TBCK: variants seen among roughly 807,000 people sequenced by gnomAD.
The protein encoded by TBCK is TBC domain-containing protein kinase-like protein.
TBCK carries 99 observed loss-of-function variants against 113.4 expected under a neutral mutation model. That is an observed-to-expected ratio of 0.87 (90% confidence interval 0.74 to 1.03). The LOEUF (loss-of-function observed/expected upper bound fraction) is 1.03, where lower values mean the gene tolerates loss of function less well. TBCK is among the 50% of genes least tolerant of loss of function. TBCK has a pLI of 0.00. For missense variants in TBCK, 1,045 were observed against 1,061.3 expected (o/e 0.98, Z 0.21); for synonymous variants, 369 against 370.8 (o/e 1.00, Z 0.05).
intron 25 of TBCK, among the ~76,000 whole-genome samples, chr4:106,073,466 T>C (rs1478539806): frequency 6.6e-6 from 1 of 152,204 alleles, no homozygotes; most frequent in Non-Finnish European, 1.5e-5. Flanking sequence ...CAAATACTGC[T>C]GCCTGATCCT....
At chr4:106,282,407 T>C (rs1477243454) in intron 3 of TBCK, among the ~76,000 whole-genome samples, 1 of 152,056 alleles carries the variant, frequency 6.6e-6, no homozygotes, top group Non-Finnish European at 1.5e-5. Context: ...TTCATTTATT[T>C]CTGCTGTGAT....
intron 20 of TBCK, among the ~76,000 whole-genome samples, chr4:106,197,409 G>A (rs201429408): frequency 0.051 from 3,872 of 76,672 alleles, 159 homozygotes; most frequent in African/African-American, 0.12. Flanking sequence ...GTGTGTGTGT[G>A]TGTATATATA....
At chr4:106,250,755 A>G (rs993684842) in intron 6 of TBCK, among the ~76,000 whole-genome samples, 5 of 152,034 alleles carry the variant, frequency 3.3e-5, no homozygotes, top group African/African-American at 1.2e-4. Flanking sequence ...TGAGATCCAC[A>G]CATACCTGGA....
At chr4:106,092,109 A>G (rs568771689) in intron 25 of TBCK, among the ~76,000 whole-genome samples, 11 of 152,288 alleles carry the variant, frequency 7.2e-5, no homozygotes, top group African/African-American at 2.6e-4. Context: ...TGGTGTATTC[A>G]CAATCCCTTA....
intron 20 of TBCK, among the ~76,000 whole-genome samples, chr4:106,197,411 G>GTGTGTGTATATATATATATA (rs35695611): frequency 2.5e-5 from 3 of 122,446 alleles, no homozygotes; most frequent in African/African-American, 9.3e-5. Flanking sequence ...GTGTGTGTGT[G>GTGTGTGTATATATATATATA]TATATATATA....
intron 19 of TBCK, among the ~76,000 whole-genome samples, chr4:106,222,647 T>C (rs1419806093): frequency 6.6e-6 from 1 of 152,142 alleles, no homozygotes; most frequent in African/African-American, 2.4e-5. Context: ...ATCATGAAGA[T>C]GATAAATATA....
rs1473731809 is a variant in TBCK, at chr4:106,172,411, G to A, written c.2060-1141C>T. 6.6e-5 allele frequency among the ~76,000 whole-genome samples: 10 copies of A among 152,220 alleles called. No homozygotes were observed. The East Asian group carries it at 1.4e-3, about 21-fold the overall frequency. On this transcript the variant is annotated intron_variant, in intron 22 of 25. Coordinates refer to ENST00000394708, the MANE Select transcript of TBCK (RefSeq NM_001163435.3). Reference sequence around the variant, plus strand: ...GAGAAGTTAGCCAGTCCTCTATGGCGAAAGTAGAAAGATCACAGAAAGGCG... The same window carrying A: ...GAGAAGTTAGCCAGTCCTCTATGGCAAAAGTAGAAAGATCACAGAAAGGCG...
intron 3 of TBCK, among the ~76,000 whole-genome samples, chr4:106,280,104 T>C (rs1005331019): frequency 2.6e-5 from 4 of 152,148 alleles, no homozygotes; most frequent in African/African-American, 9.7e-5. Context: ...TATTCTTGTC[T>C]GTCTTTTGGA....
chr4:106,281,845 G>A (rs966390150), intron 3 of TBCK, among the ~76,000 whole-genome samples: 11 of 151,984 alleles, frequency 7.2e-5, no homozygotes, highest in East Asian at 3.9e-4. Context: ...TGATTTTCAG[G>A]GATATTGGCC....
chr4:106,201,642 T>C (rs890323916), intron 20 of TBCK, among the ~76,000 whole-genome samples: 8 of 151,926 alleles, frequency 5.3e-5, no homozygotes, highest in African/African-American at 1.7e-4. Flanking sequence ...TCTGGTAATG[T>C]CAAATTTAGA....
chr4:106,253,630 T>C (rs919169693), intron 5 of TBCK, among the ~76,000 whole-genome samples: 1 of 152,226 alleles, frequency 6.6e-6, no homozygotes, highest in Non-Finnish European at 1.5e-5. Flanking sequence ...GACAGACTTT[T>C]TAATGTTTAA....
chr4:106,125,377 G>A (rs1487122646), intron 23 of TBCK, among the ~76,000 whole-genome samples: 7 of 152,076 alleles, frequency 4.6e-5, no homozygotes, highest in Admixed American at 3.9e-4. Context: ...TATACACAAT[G>A]AATTACTATT....
intron 19 of TBCK, among the ~76,000 whole-genome samples, chr4:106,227,381 C>T (rs1459308114): frequency 6.6e-6 from 1 of 151,902 alleles, no homozygotes; most frequent in Non-Finnish European, 1.5e-5. Flanking sequence ...ATGTGCTAAG[C>T]TATTTATCCA....
chr4:106,210,486 A>T (rs1406702758), intron 20 of TBCK, among the ~76,000 whole-genome samples: 2 of 152,200 alleles, frequency 1.3e-5, no homozygotes, highest in Non-Finnish European at 2.9e-5. Context: ...GCTTTCAAGG[A>T]GGGTACAATC....
chr4:106,095,469 T>C lies in TBCK; in HGVS notation c.2571+13A>G, dbSNP rs1417579660. Reference sequence around the variant, plus strand: ...TCATCATATGTACATATGACATTTCTGAATATACTTACCTCAGCTGTGTGT... The same window carrying C: ...TCATCATATGTACATATGACATTTCCGAATATACTTACCTCAGCTGTGTGT... On this transcript the variant is annotated intron_variant, in intron 25 of 25. Coordinates refer to ENST00000394708, the MANE Select transcript of TBCK (RefSeq NM_001163435.3). 1 of 1,610,782 alleles carries C rather than the reference T, an allele frequency of 6.2e-7. No individual in the cohort carries two copies. Among genetic ancestry groups the C allele is most frequent in the African/African-American group, 1.3e-5 (1 of 74,906 alleles).
intron 9 of TBCK, chr4:106,247,510 A>T: frequency 2.5e-6 from 1 of 406,852 alleles, no homozygotes; most frequent in Non-Finnish European, 4.3e-6. Context: ...TTACCTCATG[A>T]TGTATCAAAA....
chr4:106,097,379 A>T (rs1741050050), intron 24 of TBCK, among the ~76,000 whole-genome samples: 2 of 152,174 alleles, frequency 1.3e-5, no homozygotes, highest in Non-Finnish European at 2.9e-5. Context: ...CTCATCCAAG[A>T]ACACTCTTGT....
At chr4:106,056,450 T>C (rs1419015363) in intron 25 of TBCK, among the ~76,000 whole-genome samples, 1 of 151,438 alleles carries the variant, frequency 6.6e-6, no homozygotes, top group East Asian at 1.9e-4. Flanking sequence ...TCTTTATATA[T>C]AAATATAGAT....
chr4:106,277,535 A>T (rs2125769701), intron 3 of TBCK, among the ~76,000 whole-genome samples: 1 of 152,330 alleles, frequency 6.6e-6, no homozygotes, highest in South Asian at 2.1e-4. Context: ...GATACATGAA[A>T]CCACATGGAT....
Sources: allele counts gnomAD v4.1 joint callset (sites outside exome capture counted in the v4.1 genomes callset), GRCh38; gene constraint gnomAD v4.1.1; transcripts MANE v1.5; gene names NCBI Gene and HGNC (gene_info 2026-07-23, HGNC 2026-07-21).